Variants in RUNX1T1 observed in about 807,000 individuals in gnomAD.
RUNX1T1 encodes RUNX1 partner transcriptional co-repressor 1, also known as protein CBFA2T1.
A neutral mutation model predicts 62.8 loss-of-function variants in RUNX1T1; 4 were observed. The ratio of observed to expected loss-of-function variants is 0.06; its 90% CI spans 0.03 to 0.15. The LOEUF (loss-of-function observed/expected upper bound fraction) is 0.15, where lower values mean the gene tolerates loss of function less well. Among genes scored for constraint, RUNX1T1 ranks in the 10% least tolerant of loss-of-function variants. The pLI is 1.00. For missense variants in RUNX1T1, 508 were observed against 754.3 expected, an observed-to-expected ratio of 0.67 and a Z score of 3.82; for synonymous variants, 291 against 286.0, an observed-to-expected ratio of 1.02 and a Z score of -0.18.
intron 1 of RUNX1T1, among the ~76,000 whole-genome samples, chr8:92,084,212 G>A (rs551917530): frequency 7.7e-4 from 106 of 138,164 alleles, no homozygotes; most frequent in Non-Finnish European, 1.2e-3. Flanking sequence ...AAACCTGCAC[G>A]TTCTGCACAT....
At chr8:92,037,076 C>T (rs1406823166) in intron 1 of RUNX1T1, among the ~76,000 whole-genome samples, 2 of 152,140 alleles carry the variant, frequency 1.3e-5, no homozygotes, top group African/African-American at 2.4e-5. Context: ...ACACCCTCAT[C>T]GCCTCATGAA....
intron 1 of RUNX1T1, among the ~76,000 whole-genome samples, chr8:92,056,888 A>G (rs1456061607): frequency 1.3e-5 from 2 of 152,224 alleles, no homozygotes; most frequent in Admixed American, 6.5e-5. Flanking sequence ...CCGATTAACA[A>G]AAGATAGCCA....
chr8:91,962,284 A>G (rs1810644023), intron 10 of RUNX1T1, among the ~76,000 whole-genome samples: 1 of 152,226 alleles, frequency 6.6e-6, no homozygotes, highest in Non-Finnish European at 1.5e-5. Context: ...TAAAAAAGAA[A>G]TTACAATCCA....
intron 1 of RUNX1T1, among the ~76,000 whole-genome samples, chr8:92,041,819 GTTT>G (rs578249455): frequency 4.3e-5 from 6 of 138,632 alleles, no homozygotes; most frequent in Non-Finnish European, 7.9e-5. Flanking sequence ...GAAGGGGTGG[GTTT>G]TTTTTTTTTT....
At chr8:92,085,248 C>T (rs145725799) in intron 1 of RUNX1T1, among the ~76,000 whole-genome samples, 14 of 152,284 alleles carry the variant, frequency 9.2e-5, no homozygotes, top group East Asian at 5.8e-4. Context: ...TCAACCTGGG[C>T]GACACAGGCA....
intron 1 of RUNX1T1, among the ~76,000 whole-genome samples, chr8:92,082,276 C>T (rs1030393767): frequency 6.6e-6 from 1 of 152,080 alleles, no homozygotes; most frequent in Non-Finnish European, 1.5e-5. Context: ...AGTATCATTC[C>T]CTGCTGTAAT....
intron 1 of RUNX1T1, among the ~76,000 whole-genome samples, chr8:92,021,535 G>C (rs934478320): frequency 6.6e-6 from 1 of 152,134 alleles, no homozygotes; most frequent in Non-Finnish European, 1.5e-5. Flanking sequence ...AAATGACACA[G>C]TGGGATACTT....
chr8:92,085,783 T>A (rs1836014624), intron 1 of RUNX1T1, among the ~76,000 whole-genome samples: 1 of 152,228 alleles, frequency 6.6e-6, no homozygotes, highest in African/African-American at 2.4e-5. Context: ...GATTTTTTTG[T>A]TGTTTCTTCC....
intron 2 of RUNX1T1, among the ~76,000 whole-genome samples, chr8:92,070,563 T>C (rs548964551): frequency 2.0e-5 from 3 of 152,092 alleles, no homozygotes; most frequent in African/African-American, 7.3e-5. Context: ...AATTATTATA[T>C]ATGTTTTACT....
intron 8 of RUNX1T1, among the ~76,000 whole-genome samples, chr8:91,983,077 G>A (rs959190567): frequency 1.1e-4 from 16 of 151,164 alleles, no homozygotes; most frequent in South Asian, 6.3e-4. Context: ...ACAGGCATGC[G>A]CCACCATGCC....
Position 92,013,749 on chromosome 8 carries a change from G to A in RUNX1T1, c.387+830C>T, listed in dbSNP as rs778255178. 6.6e-5 allele frequency among the ~76,000 whole-genome samples: 10 copies of A among 152,276 alleles called. No homozygotes were observed. The South Asian group carries it at 1.2e-3, about 19-fold the overall frequency. ...TTTCTAGTGTGACAATGTGCAGAAC[G>A]TAGTGTAATATGCAAAAACCAACAG... On this transcript the variant is annotated intron_variant, in intron 3 of 10. Transcript: ENST00000396218.
chr8:92,038,427 T>C, intron 1 of RUNX1T1, among the ~76,000 whole-genome samples: 1 of 151,992 alleles, frequency 6.6e-6, no homozygotes, highest in Middle Eastern at 3.2e-3. Context: ...CAAGGAGATG[T>C]CATTAAAAAA....
At chr8:91,956,042 A>T (rs1337446137), downstream of RUNX1T1, 1 of 230,298 alleles carries the variant, frequency 4.3e-6, no homozygotes, top group East Asian at 6.2e-5. Flanking sequence ...ATGTCAGCTG[A>T]TCTGCCATTC....
At chr8:91,981,582 A>T (rs971734866) in intron 8 of RUNX1T1, among the ~76,000 whole-genome samples, 1 of 150,700 alleles carries the variant, frequency 6.6e-6, no homozygotes, top group Admixed American at 6.6e-5. Flanking sequence ...TATCTGGCTA[A>T]TTTTTTTTAT....
intron 2 of RUNX1T1, among the ~76,000 whole-genome samples, chr8:92,068,976 TATAGTA>T (rs1318689673): frequency 2.0e-5 from 3 of 152,178 alleles, no homozygotes; most frequent in Non-Finnish European, 4.4e-5. Flanking sequence ...CAAAAATAAT[TATAGTA>T]ATAATCATCA....
chr8:92,005,466 AT>A, intron 4 of RUNX1T1, 169 bp from the exon 6 acceptor site: 1 of 585,506 alleles, frequency 1.7e-6, no homozygotes, highest in Non-Finnish European at 2.9e-6. Flanking sequence ...CTGGGCTACC[AT>A]GTGCGCAGAT....
chr8:92,043,042 TCTC>T (rs1293808234), intron 1 of RUNX1T1, among the ~76,000 whole-genome samples: 1 of 152,178 alleles, frequency 6.6e-6, no homozygotes, highest in African/African-American at 2.4e-5. Flanking sequence ...GACCTCAGTC[TCTC>T]CTATTTCTCA....
chr8:92,003,844 C>A (rs1820220552), intron 5 of RUNX1T1, among the ~76,000 whole-genome samples: 1 of 152,078 alleles, frequency 6.6e-6, no homozygotes. Flanking sequence ...ATATGATTTG[C>A]AAGAATAAGA....
intron 1 of RUNX1T1, among the ~76,000 whole-genome samples, chr8:92,034,739 T>C (rs895646003): frequency 1.3e-5 from 2 of 150,656 alleles, no homozygotes; most frequent in East Asian, 2.0e-4. Context: ...CGTATACATA[T>C]ATATACACAT....
Sources: allele counts gnomAD v4.1 joint callset (sites outside exome capture counted in the v4.1 genomes callset), GRCh38; gene constraint gnomAD v4.1.1; transcripts MANE v1.5; gene names NCBI Gene and HGNC (gene_info 2026-07-23, HGNC 2026-07-21).